Variants in HDAC4 observed in about 807,000 individuals in gnomAD.
HDAC4 encodes histone deacetylase A.
HDAC4 carries 16 observed loss-of-function variants against 135.1 expected under a neutral mutation model. The observed-to-expected ratio is 0.12, with a 90% CI of 0.08 to 0.18. The LOEUF is 0.18. Among genes scored for constraint, HDAC4 ranks in the 10% least tolerant of loss-of-function variants. The pLI, the probability that HDAC4 is intolerant of heterozygous loss-of-function variation, is 1.00. For missense variants in HDAC4, 1,143 were observed against 1,511.8 expected, an observed-to-expected ratio of 0.76 and a Z score of 4.05; for synonymous variants, 685 against 653.4, an observed-to-expected ratio of 1.05 and a Z score of -0.74.
rs193240316 is a variant in HDAC4 at position 239,103,036 on chromosome 2, C to G, written c.2113-140G>C. 3.0e-6 allele frequency: 3 copies of G among 987,638 alleles called. No homozygotes were observed. The East Asian group carries it at 7.7e-5, about 25-fold the overall frequency. 61.2% of individuals were successfully genotyped at this position (987,638 alleles called of 1,614,324 possible). A position where few individuals can be genotyped will look rare whatever the true frequency, so the allele number is the denominator to read the frequency against. On this transcript the variant is annotated intron_variant, in intron 15 of 26. Coordinates refer to ENST00000543185, the MANE Select transcript of HDAC4 (RefSeq NM_001378414.1). The stretch of plus-strand genomic sequence containing the variant: ...AAACAAGCATGTTATTTGGTTACTG[C>G]AAAAGAAGAAGCAACATCACCCAAC...
chr2:239,292,203 G>A (rs926883466), intron 2 of HDAC4, among the ~76,000 whole-genome samples: 1 of 152,360 alleles, frequency 6.6e-6, no homozygotes, highest in Non-Finnish European at 1.5e-5. Flanking sequence ...GTGTGGCTGG[G>A]GACTCCCAGC....
At chr2:239,249,344 GGAGA>G (rs2048649271) in intron 2 of HDAC4, among the ~76,000 whole-genome samples, 1 of 152,182 alleles carries the variant, frequency 6.6e-6, no homozygotes, top group Non-Finnish European at 1.5e-5. Context: ...CGGGGGAGGC[GGAGA>G]GAGAGCTGGG....
At chr2:239,058,230 G>T (rs2032167493) in intron 24 of HDAC4, among the ~76,000 whole-genome samples, 2 of 152,152 alleles carry the variant, frequency 1.3e-5, no homozygotes, top group Admixed American at 1.3e-4. Flanking sequence ...TGAAAAACAA[G>T]AAAATAGGTT....
At chr2:239,397,449 C>T (rs1196740859) in intron 1 of HDAC4, among the ~76,000 whole-genome samples, 3 of 152,140 alleles carry the variant, frequency 2.0e-5, no homozygotes, top group South Asian at 2.1e-4. Context: ...CCTCATCCCC[C>T]GACAGTGATA....
chr2:239,235,824 G>A (rs2047856675), intron 3 of HDAC4, among the ~76,000 whole-genome samples: 1 of 152,206 alleles, frequency 6.6e-6, no homozygotes, highest in Admixed American at 6.5e-5. Flanking sequence ...CAGATTACTT[G>A]AGCTCAGGAG....
intron 3 of HDAC4, among the ~76,000 whole-genome samples, chr2:239,194,319 T>C (rs779370074): frequency 6.6e-5 from 10 of 152,228 alleles, no homozygotes; most frequent in African/African-American, 2.4e-4. Context: ...TTCTTGGAGA[T>C]TTGTACAAGT....
At chr2:239,181,978 C>T (rs1406997081) in intron 4 of HDAC4, among the ~76,000 whole-genome samples, 2 of 152,222 alleles carry the variant, frequency 1.3e-5, no homozygotes, top group Non-Finnish European at 1.5e-5. Flanking sequence ...GAGATACTAC[C>T]TGGAGCACAC....
chr2:239,162,269 AG>A (rs145251344), intron 6 of HDAC4: 7,727 of 456,600 alleles, frequency 0.017, 510 homozygotes, highest in African/African-American at 0.14. Context: ...GGGGGACCCA[AG>A]GCGGCCCTGC....
intron 7 of HDAC4, among the ~76,000 whole-genome samples, chr2:239,151,839 C>A (rs890451019): frequency 1.3e-5 from 2 of 152,194 alleles, no homozygotes; most frequent in Admixed American, 1.3e-4. Flanking sequence ...GGCCCCAACA[C>A]ATGCTGGGGA....
At chr2:239,206,767 T>C (rs1164826793) in intron 3 of HDAC4, among the ~76,000 whole-genome samples, 3 of 151,980 alleles carry the variant, frequency 2.0e-5, no homozygotes, top group Non-Finnish European at 4.4e-5. Flanking sequence ...CAGAGACTCC[T>C]GGTACCAAAA....
rs187340595 is a variant in HDAC4 at position 239,049,682 on chromosome 2, A to C, written c.*3415T>G. ...TTACGAAATGGTCCTTCCCCTTGCAAACAGATTTTCAAAAGAAGTAAAGAA... is the reference window on the plus strand; with the variant it reads ...TTACGAAATGGTCCTTCCCCTTGCACACAGATTTTCAAAAGAAGTAAAGAA... On this transcript the variant is annotated 3_prime_UTR_variant, in exon 27 of 27. Transcript: ENST00000543185. 6.6e-6 allele frequency: 1 copy of C among 152,502 alleles called. No homozygotes were observed. Among genetic ancestry groups the C allele is most frequent in the East Asian group, 1.9e-4 (1 of 5,180 alleles). 9.4% of individuals were successfully genotyped at this position (152,502 alleles called of 1,614,324 possible).
chr2:239,393,540 GC>G (rs1559406312), intron 1 of HDAC4, among the ~76,000 whole-genome samples: 1 of 152,110 alleles, frequency 6.6e-6, no homozygotes, highest in Non-Finnish European at 1.5e-5. Flanking sequence ...TGGCCACAAT[GC>G]CCTTTTCACA....
At chr2:239,365,253 A>T (rs560280322) in intron 1 of HDAC4, among the ~76,000 whole-genome samples, 1 of 152,372 alleles carries the variant, frequency 6.6e-6, no homozygotes, top group African/African-American at 2.4e-5. Flanking sequence ...ACATGGCGCA[A>T]GACTTCAGAT....
intron 12 of HDAC4, among the ~76,000 whole-genome samples, chr2:239,123,817 G>A (rs2039900311): frequency 6.6e-6 from 1 of 152,132 alleles, no homozygotes; most frequent in African/African-American, 2.4e-5. Flanking sequence ...TCTCCCCACG[G>A]CTTTACCTCT....
At chr2:239,282,907 C>G (rs2050894774) in intron 2 of HDAC4, among the ~76,000 whole-genome samples, 2 of 151,044 alleles carry the variant, frequency 1.3e-5, no homozygotes, top group Non-Finnish European at 2.9e-5. Context: ...GAACACACCA[C>G]TCTACACACA....
chr2:239,178,966 G>A (rs2043955652), intron 4 of HDAC4, among the ~76,000 whole-genome samples: 1 of 151,340 alleles, frequency 6.6e-6, no homozygotes, highest in Non-Finnish European at 1.5e-5. Context: ...ATAGAGTGGG[G>A]AGTGCGTGCG....
At chr2:239,136,092 G>A (rs1054265629) in intron 9 of HDAC4, among the ~76,000 whole-genome samples, 1 of 152,194 alleles carries the variant, frequency 6.6e-6, no homozygotes, top group African/African-American at 2.4e-5. Context: ...GCTACTCAAG[G>A]AATGTCTGCT....
intron 13 of HDAC4, among the ~76,000 whole-genome samples, 169 bp from the exon 14 acceptor site, chr2:239,111,881 C>A (rs562881935): frequency 6.6e-6 from 1 of 152,230 alleles, no homozygotes; most frequent in Non-Finnish European, 1.5e-5. Flanking sequence ...TGTGAGTGCC[C>A]TGAAGCCTGA....
rs1447033961 is a variant in HDAC4 at position 239,053,533 on chromosome 2, A to C, written c.3157T>G (p.Cys1053Gly). The change falls in exon 26 of 27, where the codon TGC (cysteine) becomes GGC (glycine). Residue 1053 changes from cysteine (C) to glycine (G), a missense_variant. This residue lies in a region of HDAC4 where 131 missense variants were observed against 130.6 expected (regional missense o/e 1.00). Coordinates refer to ENST00000543185, the MANE Select transcript of HDAC4 (RefSeq NM_001378414.1). ...ACCGTCTCGGCTTCTTCGTTCTCGCAAGTCTGAGCCTCGATCAGAGAACGC... is the reference window on the plus strand; with the variant it reads ...ACCGTCTCGGCTTCTTCGTTCTCGCCAGTCTGAGCCTCGATCAGAGAACGC... The part of the protein sequence containing the change: ...AGRSLIEAQT[C>G]ENEEAETVTA... 2 of 1,613,768 alleles carry C rather than the reference A, an allele frequency of 1.2e-6. No homozygotes were observed. Among genetic ancestry groups the C allele is most frequent in the Non-Finnish European group, 1.7e-6 (2 of 1,180,008 alleles).
Sources: gnomAD v4.1 joint callset for allele counts (sites outside exome capture counted in the v4.1 genomes callset) on GRCh38, gnomAD v4.1.1 for gene constraint, gnomAD v4.1.1 regional missense constraint, MANE v1.5 for transcripts, NCBI Gene and HGNC (gene_info 2026-07-23, HGNC 2026-07-21) for gene names.